The following SEPTIN9 variants were observed in gnomAD, a reference collection of about 807,000 sequenced individuals.
SEPTIN9 encodes septin 9.
In SEPTIN9, 13 loss-of-function variants were observed where a neutral mutation model predicts 56.6. The observed-to-expected ratio is 0.23, with a 90% CI of 0.15 to 0.37. The LOEUF (loss-of-function observed/expected upper bound fraction) is 0.37. Ranked by LOEUF, SEPTIN9 falls within the 10% of genes least tolerant of loss-of-function variation. The probability of loss-of-function intolerance (pLI) is 1.00; values close to 1 mark genes in which losing one functional copy is unlikely to be tolerated. For synonymous variants in SEPTIN9, 332 were observed against 334.1 expected (o/e 0.99, Z 0.07); for missense variants, 650 against 823.1 (o/e 0.79, Z 2.57).
intron 3 of SEPTIN9, among the ~76,000 whole-genome samples, chr17:77,416,752 A>G (rs1405935998): frequency 6.6e-6 from 1 of 152,062 alleles, no homozygotes; most frequent in Non-Finnish European, 1.5e-5. Context: ...TCGCCCACTC[A>G]ACGCTGGAAC....
At chr17:77,460,208 C>T (rs969206655) in intron 3 of SEPTIN9, among the ~76,000 whole-genome samples, 1 of 152,190 alleles carries the variant, frequency 6.6e-6, no homozygotes, top group Non-Finnish European at 1.5e-5. Context: ...GCAGTAGAAG[C>T]TCCTTCTCTG....
chr17:77,417,291 G>A (rs1351429504), intron 3 of SEPTIN9, among the ~76,000 whole-genome samples: 2 of 152,202 alleles, frequency 1.3e-5, no homozygotes, highest in Non-Finnish European at 2.9e-5. Context: ...TGTGTCTCCA[G>A]CAGCCAAGCT....
At position 77,425,690 on chromosome 17, in the gene SEPTIN9, C is replaced by G. The variant is rs2036880855; in HGVS notation, c.721+22987C>G. On this transcript the variant is annotated intron_variant, in intron 3 of 11. Coordinates refer to ENST00000427177, the MANE Select transcript of SEPTIN9 (RefSeq NM_001113491.2). The surrounding 1 kb of genome is among the most constrained non-coding windows in gnomAD (Gnocchi z 4.2). Reference sequence around the variant, plus strand: ...GGGAAAGGTAGGGTCTTTGTGCCCCCTCCCACCCAGGGACCTGGCATGTTG... The same window carrying G: ...GGGAAAGGTAGGGTCTTTGTGCCCCGTCCCACCCAGGGACCTGGCATGTTG... Among the ~76,000 whole-genome samples the G allele has an allele frequency of 6.6e-6, 1 of 152,252 alleles. No individual in the cohort carries two copies. The highest frequency in any genetic ancestry group is 6.5e-5 in the Admixed American group (1 of 15,292).
intron 2 of SEPTIN9, chr17:77,376,245 TGGGCCAGGCTGCGGA>T (rs2034915099): frequency 5.1e-6 from 5 of 985,964 alleles, no homozygotes; most frequent in African/African-American, 1.7e-5. Flanking sequence ...GAAGATCATA[TGGGCCAGGCTGCGGA>T]GGGCCAGGCA....
chr17:77,332,042 G>A (rs571095962), intron 2 of SEPTIN9, among the ~76,000 whole-genome samples: 2 of 152,302 alleles, frequency 1.3e-5, no homozygotes, highest in Non-Finnish European at 2.9e-5. Context: ...TTGGGAGGTT[G>A]AGGTAGGAGG....
chr17:77,298,356 C>T (rs113233587), intron 1 of SEPTIN9, among the ~76,000 whole-genome samples: 4 of 152,352 alleles, frequency 2.6e-5, no homozygotes, highest in African/African-American at 9.6e-5. Flanking sequence ...AGAGCTATAG[C>T]TGCCCAGTGT....
chr17:77,343,959 A>T, intron 2 of SEPTIN9, among the ~76,000 whole-genome samples: 1 of 152,240 alleles, frequency 6.6e-6, no homozygotes. Context: ...GCTTCGTGAC[A>T]TTGGAGTTGG....
At chr17:77,324,314 C>T (rs1225707349) in intron 2 of SEPTIN9, among the ~76,000 whole-genome samples, 1 of 152,232 alleles carries the variant, frequency 6.6e-6, no homozygotes, top group Non-Finnish European at 1.5e-5. Flanking sequence ...ATTTTAGGGG[C>T]CACCTTTCAT....
rs566296573 is a variant in SEPTIN9 at position 77,445,375 on chromosome 17, C to T, written c.722-36769C>T. On this transcript the variant is annotated intron_variant, in intron 3 of 11. Coordinates refer to ENST00000427177, the MANE Select transcript of SEPTIN9 (RefSeq NM_001113491.2). The surrounding 1 kb of genome is among the most constrained non-coding windows in gnomAD (Gnocchi z 4.7). ...ATTTGATGGGAAGCATCTGCTGCAT[C>T]CCATTGGGGTGTTGCCCAGGATGGA... The T allele has an allele frequency of 2.4e-5, 11 of 466,084 alleles. No individual in the cohort carries two copies. The Admixed American group carries it at 2.6e-4, about 11-fold the overall frequency. The allele number at this position is 466,084 out of a possible 1,614,324, so 28.9% of individuals were successfully genotyped here. A position where few individuals can be genotyped will look rare whatever the true frequency, so the allele number is the denominator to read the frequency against.
intron 4 of SEPTIN9, among the ~76,000 whole-genome samples, chr17:77,486,251 C>T (rs564015621): frequency 2.8e-4 from 43 of 152,028 alleles, no homozygotes; most frequent in South Asian, 8.3e-4. Context: ...TATAGGTGCT[C>T]GCCACTACAC....
At chr17:77,394,446 G>C (rs1026042049) in intron 2 of SEPTIN9, among the ~76,000 whole-genome samples, 3 of 152,178 alleles carry the variant, frequency 2.0e-5, no homozygotes, top group African/African-American at 7.2e-5. Flanking sequence ...TAGATAGCCA[G>C]TGTTTCTTCA....
chr17:77,368,587 C>T (rs941207083), intron 2 of SEPTIN9, among the ~76,000 whole-genome samples: 1 of 152,172 alleles, frequency 6.6e-6, no homozygotes, highest in African/African-American at 2.4e-5. Context: ...GCTGGGATTA[C>T]AGGCGTGAGC....
At chr17:77,331,745 A>G (rs1417103172) in intron 2 of SEPTIN9, among the ~76,000 whole-genome samples, 2 of 152,082 alleles carry the variant, frequency 1.3e-5, no homozygotes, top group Non-Finnish European at 2.9e-5. Context: ...AGGGCAGATG[A>G]CCAGCCCCCG....
chr17:77,397,509 G>T (rs571375449), intron 2 of SEPTIN9, among the ~76,000 whole-genome samples: 18 of 152,294 alleles, frequency 1.2e-4, no homozygotes, highest in Admixed American at 1.1e-3. Context: ...TATTAGACAT[G>T]TCTTTTTGGG....
intron 2 of SEPTIN9, among the ~76,000 whole-genome samples, chr17:77,309,953 C>CAG (rs2032424478): frequency 6.6e-6 from 1 of 151,720 alleles, no homozygotes. Flanking sequence ...CTGTGCTGGG[C>CAG]AGTGGTGTGT....
intron 10 of SEPTIN9, among the ~76,000 whole-genome samples, chr17:77,493,926 C>T (rs1490852399): frequency 6.6e-6 from 1 of 152,122 alleles, no homozygotes. Flanking sequence ...TCACGTACCA[C>T]CCACCTGACT....
chr17:77,444,677 G>C (rs1052052809), intron 3 of SEPTIN9: 9 of 186,802 alleles, frequency 4.8e-5, no homozygotes, highest in Admixed American at 4.3e-4. Flanking sequence ...GAGGGGAGAA[G>C]GAGGGGAGAA....
chr17:77,306,031 G>GGTT (rs1430116562), intron 1 of SEPTIN9, among the ~76,000 whole-genome samples: 1 of 149,680 alleles, frequency 6.7e-6, no homozygotes, highest in Admixed American at 6.7e-5. Flanking sequence ...TGAATAGGTG[G>GGTT]GTTGGGTGGA....
chr17:77,329,863 C>T lies in SEPTIN9; in HGVS notation c.76+22666C>T, dbSNP rs576870537. ...ATATTTACAGCACCAGCCAAGGCTT[C>T]GGGGTTTGGACACCATCCCTGGGAG... On this transcript the variant is annotated intron_variant, in intron 2 of 11. Transcript: ENST00000427177. The surrounding 1 kb of genome is among the most constrained non-coding windows in gnomAD (Gnocchi z 4.3). Among the ~76,000 whole-genome samples, 75 of 152,326 alleles carry T rather than the reference C, an allele frequency of 4.9e-4. No individual in the cohort carries two copies. The highest frequency in any genetic ancestry group is 1.6e-3 in the African/African-American group (65 of 41,572).
Sources: gnomAD v4.1 joint callset for allele counts (sites outside exome capture counted in the v4.1 genomes callset) on GRCh38, gnomAD v4.1.1 for gene constraint, Gnocchi (gnomAD v3.1) non-coding constraint, MANE v1.5 for transcripts, NCBI Gene and HGNC (gene_info 2026-07-23, HGNC 2026-07-21) for gene names.